DAB1: variants seen among roughly 807,000 people sequenced by gnomAD.
DAB1 encodes DAB adaptor protein 1.
Under a neutral mutation model 64.6 loss-of-function variants are expected in DAB1, and 15 were observed. The observed-to-expected ratio is 0.23, with a 90% CI of 0.16 to 0.36. The LOEUF (loss-of-function observed/expected upper bound fraction) is 0.36. Ranked by LOEUF, DAB1 falls within the 10% of genes least tolerant of loss-of-function variation. The probability of loss-of-function intolerance (pLI) is 1.00; values close to 1 mark genes in which losing one functional copy is unlikely to be tolerated. For synonymous variants in DAB1, 235 were observed against 251.9 expected, an observed-to-expected ratio of 0.93 and a Z score of 0.64; for missense variants, 596 against 706.7, an observed-to-expected ratio of 0.84 and a Z score of 1.78.
At chr1:57,100,796 A>G (rs547767537) in intron 4 of DAB1, among the ~76,000 whole-genome samples, 6 of 152,084 alleles carry the variant, frequency 3.9e-5, no homozygotes, top group Admixed American at 6.6e-5. Context: ...TGAAGCACGC[A>G]TGAGTAGGCA....
intron 1 of DAB1, among the ~76,000 whole-genome samples, chr1:57,348,772 T>C (rs146399451): frequency 1.3e-5 from 2 of 152,228 alleles, no homozygotes; most frequent in East Asian, 3.9e-4. Flanking sequence ...GTCTGAGCCA[T>C]GTCACTTAGC....
chr1:58,020,601 T>C (rs1297668274), intron 5 of DAB1, among the ~76,000 whole-genome samples: 4 of 152,200 alleles, frequency 2.6e-5, no homozygotes, highest in African/African-American at 9.6e-5. Flanking sequence ...AAAAGAGGTA[T>C]AGCAGGTTCT....
intron 4 of DAB1, among the ~76,000 whole-genome samples, chr1:58,256,402 A>G (rs1660930520): frequency 6.6e-6 from 1 of 152,216 alleles, no homozygotes. Context: ...CAGCCAGCGC[A>G]ATGCCTTTAT....
chr1:57,468,736 A>T (rs1687040414), intron 7 of DAB1, among the ~76,000 whole-genome samples: 1 of 152,252 alleles, frequency 6.6e-6, no homozygotes. Context: ...TTCCCATTTC[A>T]AACAAGCCAG....
chr1:58,003,275 C>G (rs1002081880), intron 5 of DAB1, among the ~76,000 whole-genome samples: 1 of 152,278 alleles, frequency 6.6e-6, no homozygotes, highest in Admixed American at 6.5e-5. Flanking sequence ...CTCCTCTCCG[C>G]TTCAATGACA....
chr1:57,174,003 TG>T (rs566138725), intron 2 of DAB1, among the ~76,000 whole-genome samples: 7 of 152,274 alleles, frequency 4.6e-5, no homozygotes, highest in Admixed American at 4.6e-4. Context: ...GAATTATGCT[TG>T]GTTACTTCTG....
At chr1:58,381,427 G>A (rs1440230348) in intron 3 of DAB1, among the ~76,000 whole-genome samples, 1 of 152,106 alleles carries the variant, frequency 6.6e-6, no homozygotes, top group Non-Finnish European at 1.5e-5. Context: ...TTTGAACAGG[G>A]GAATAACAAT....
At chr1:58,129,324 T>G (rs1455627085) in intron 5 of DAB1, among the ~76,000 whole-genome samples, 4 of 150,312 alleles carry the variant, frequency 2.7e-5, no homozygotes, top group African/African-American at 9.8e-5. Context: ...CATTTTTTAT[T>G]GTGTCTATTT....
chr1:57,448,060 T>G (rs1280341067), intron 7 of DAB1, among the ~76,000 whole-genome samples: 2 of 152,214 alleles, frequency 1.3e-5, no homozygotes, highest in Non-Finnish European at 2.9e-5. Context: ...ATCCCCACTG[T>G]ATTTACGATT....
intron 1 of DAB1, chr1:57,876,959 T>C (rs1644057440): frequency 6.6e-6 from 1 of 152,102 alleles, no homozygotes; most frequent in Non-Finnish European, 1.5e-5. Context: ...TATGAAAAGT[T>C]GCAGTGAGGA....
intron 5 of DAB1, among the ~76,000 whole-genome samples, chr1:57,956,875 T>A (rs1018745673): frequency 6.6e-6 from 1 of 152,022 alleles, no homozygotes; most frequent in African/African-American, 2.4e-5. Flanking sequence ...ATTGGTGGAG[T>A]AGATGTGGAG....
intron 1 of DAB1, among the ~76,000 whole-genome samples, chr1:57,854,135 A>G (rs576272234): frequency 1.3e-5 from 2 of 152,366 alleles, no homozygotes; most frequent in African/African-American, 4.8e-5. Flanking sequence ...TAAGACTTTA[A>G]GACTGTGACA....
chr1:58,026,583 T>C (rs1646898636), intron 5 of DAB1, among the ~76,000 whole-genome samples: 1 of 152,176 alleles, frequency 6.6e-6, no homozygotes, highest in African/African-American at 2.4e-5. Flanking sequence ...GTGAGTATAG[T>C]CCTAGAAATA....
chr1:58,472,267 A>G (rs1645367792), intron 3 of DAB1, among the ~76,000 whole-genome samples: 1 of 152,162 alleles, frequency 6.6e-6, no homozygotes, highest in Non-Finnish European at 1.5e-5. Context: ...AATGTACCCT[A>G]TGGAGGTGTG....
intron 5 of DAB1, among the ~76,000 whole-genome samples, chr1:58,061,543 C>G (rs1392632169): frequency 6.6e-6 from 1 of 152,194 alleles, no homozygotes; most frequent in Non-Finnish European, 1.5e-5. Context: ...TACAGGGACA[C>G]CACTTATACT....
intron 5 of DAB1, among the ~76,000 whole-genome samples, chr1:58,022,418 A>C (rs1646827762): frequency 6.6e-6 from 1 of 152,218 alleles, no homozygotes; most frequent in Non-Finnish European, 1.5e-5. Context: ...TCAAGTCAGA[A>C]GGTTGCATCT....
At chr1:57,566,987 A>C (rs1319101753) in intron 7 of DAB1, among the ~76,000 whole-genome samples, 1 of 152,214 alleles carries the variant, frequency 6.6e-6, no homozygotes, top group African/African-American at 2.4e-5. Flanking sequence ...AGAGAATTTT[A>C]GACCAATGTC....
intron 2 of DAB1, among the ~76,000 whole-genome samples, chr1:58,511,886 A>G (rs1646083091): frequency 6.6e-6 from 1 of 151,844 alleles, no homozygotes; most frequent in South Asian, 2.1e-4. Context: ...TATGACACCA[A>G]AAGCACGGGA....
intron 2 of DAB1, among the ~76,000 whole-genome samples, chr1:57,263,120 A>ATTAT (rs111948805): frequency 2.6e-4 from 38 of 148,910 alleles, no homozygotes; most frequent in African/African-American, 8.6e-4. Context: ...AGAAGATAAA[A>ATTAT]TTTTTTTTTT....
Sources: allele counts gnomAD v4.1 joint callset (sites outside exome capture counted in the v4.1 genomes callset), GRCh38; gene constraint gnomAD v4.1.1; transcripts MANE v1.5; gene names NCBI Gene and HGNC (gene_info 2026-07-23, HGNC 2026-07-21).